GRIA3: variants seen among roughly 807,000 people sequenced by gnomAD.
The protein encoded by GRIA3 is glutamate receptor 3.
GRIA3 carries 3 observed loss-of-function variants against 63.0 expected under a neutral mutation model. The observed-to-expected ratio is 0.05, with a 90% CI of 0.02 to 0.12. The LOEUF (loss-of-function observed/expected upper bound fraction) is 0.12, where lower values mean the gene tolerates loss of function less well. GRIA3 is among the 10% of genes least tolerant of loss of function. GRIA3 has a pLI of 1.00. For missense variants in GRIA3, 347 were observed against 700.9 expected (o/e 0.50, Z 5.70); for synonymous variants, 274 against 257.9 (o/e 1.06, Z -0.60).
chrX:123,461,783 C>G (rs111969625), intron 12 of GRIA3, among the ~76,000 whole-genome samples: 1,226 of 110,455 alleles, frequency 0.011, 20 homozygotes, highest in African/African-American at 0.038. Context: ...AACGATGGAG[C>G]CTGACCAAGG....
chrX:123,265,880 T>C (rs184974730), intron 3 of GRIA3, among the ~76,000 whole-genome samples: 42 of 111,594 alleles, frequency 3.8e-4, no homozygotes, highest in African/African-American at 1.3e-3. Context: ...AATGCCTAGA[T>C]AGTAGATTAG....
At chrX:123,330,652 A>G (rs1353873100) in intron 4 of GRIA3, among the ~76,000 whole-genome samples, 1 of 111,911 alleles carries the variant, frequency 8.9e-6, no homozygotes, top group Non-Finnish European at 1.9e-5. Flanking sequence ...CTTCTCAAGT[A>G]TAAAGAGTTA....
At chrX:123,413,963 A>G (rs2045522116) in intron 10 of GRIA3, among the ~76,000 whole-genome samples, 1 of 112,168 alleles carries the variant, frequency 8.9e-6, no homozygotes, top group Admixed American at 9.5e-5. Context: ...TAAGGAAAGC[A>G]CGTACATAGT....
intron 2 of GRIA3, among the ~76,000 whole-genome samples, chrX:123,215,879 C>G (rs148475677): frequency 1.0e-3 from 116 of 111,548 alleles, no homozygotes; most frequent in African/African-American, 3.6e-3. Flanking sequence ...TGACCTAACC[C>G]AGGGCTGCAG....
At chrX:123,369,075 A>G (rs2045231229) in intron 5 of GRIA3, among the ~76,000 whole-genome samples, 1 of 111,234 alleles carries the variant, frequency 9.0e-6, no homozygotes, top group South Asian at 3.8e-4. Flanking sequence ...AACTTTTAAT[A>G]TCTCCCACCC....
chrX:123,472,106 G>GAAAA, intron 13 of GRIA3, among the ~76,000 whole-genome samples: 1 of 94,388 alleles, frequency 1.1e-5, no homozygotes, highest in Admixed American at 1.2e-4. Flanking sequence ...AATAGAGGGT[G>GAAAA]GTATATGCCC....
intron 5 of GRIA3, chrX:123,361,187 A>G (rs1314727774): frequency 1.8e-5 from 2 of 111,804 alleles, no homozygotes; most frequent in African/African-American, 3.3e-5. Flanking sequence ...AATAAGATTT[A>G]GTTATGCTGT....
rs191384383 is a variant in GRIA3, at chrX:123,372,573, T to C, written c.750+17610T>C. On this transcript the variant is annotated intron_variant, in intron 5 of 15. Coordinates refer to ENST00000620443, the MANE Select transcript of GRIA3 (RefSeq NM_007325.5). ...TTTCATCAGAGTTTTATAGCGTTCA[T>C]TGCAGATATCTTTTACTTTTTTGGT... 2.0e-3 allele frequency among the ~76,000 whole-genome samples: 226 copies of C among 111,986 alleles called. 2 individuals carry two copies. Among genetic ancestry groups the C allele is most frequent in the African/African-American group, 7.1e-3 (220 of 30,883 alleles).
chrX:123,213,232 G>A (rs920959970), intron 2 of GRIA3, among the ~76,000 whole-genome samples: 1 of 112,321 alleles, frequency 8.9e-6, no homozygotes, highest in Admixed American at 9.4e-5. Flanking sequence ...GTTGAGAACT[G>A]CTGGTCTACA....
chrX:123,467,220 G>A (rs770326185), intron 13 of GRIA3, among the ~76,000 whole-genome samples: 4 of 111,869 alleles, frequency 3.6e-5, no homozygotes, highest in Non-Finnish European at 7.5e-5. Context: ...GGTCACATTC[G>A]GCTCTTTCTC....
At chrX:123,318,579 G>C (rs934668068) in intron 3 of GRIA3, among the ~76,000 whole-genome samples, 6 of 111,992 alleles carry the variant, frequency 5.4e-5, no homozygotes, top group Non-Finnish European at 9.4e-5. Flanking sequence ...AACATAACAA[G>C]AGTCACCTTT....
intron 3 of GRIA3, among the ~76,000 whole-genome samples, chrX:123,319,566 G>A (rs190486238): frequency 4.5e-5 from 5 of 111,746 alleles, no homozygotes; most frequent in African/African-American, 1.6e-4. Context: ...GAAACACCCA[G>A]ATGCTACCTC....
At chrX:123,257,347 C>T (rs1603051619) in intron 3 of GRIA3, among the ~76,000 whole-genome samples, 1 of 108,612 alleles carries the variant, frequency 9.2e-6, no homozygotes, top group East Asian at 2.9e-4. Flanking sequence ...TGTTTTTCAA[C>T]ACTGGACTGA....
At chrX:123,221,503 G>A (rs1215003698) in intron 2 of GRIA3, among the ~76,000 whole-genome samples, 2 of 111,914 alleles carry the variant, frequency 1.8e-5, no homozygotes, top group East Asian at 5.6e-4. Flanking sequence ...AGAAAGGAAG[G>A]CTGATTTATA....
chrX:123,199,274 A>ATTT (rs5903635), intron 2 of GRIA3, among the ~76,000 whole-genome samples: 16,205 of 78,399 alleles, frequency 0.21, 1,923 homozygotes, highest in Non-Finnish European at 0.29. Flanking sequence ...AGTCTTTTAA[A>ATTT]TTTTTTTTTT....
intron 15 of GRIA3, among the ~76,000 whole-genome samples, chrX:123,484,065 T>C (rs1356101999): frequency 8.9e-6 from 1 of 112,135 alleles, no homozygotes; most frequent in Non-Finnish European, 1.9e-5. Context: ...AGTTCTTTTG[T>C]TGTCCCTTCC....
chrX:123,444,400 C>T (rs1261729241), intron 12 of GRIA3, among the ~76,000 whole-genome samples: 1 of 112,090 alleles, frequency 8.9e-6, no homozygotes, highest in African/African-American at 3.2e-5. Flanking sequence ...AAATTCCTGC[C>T]CTGTAGCCAG....
chrX:123,243,620 A>G (rs376764383), intron 2 of GRIA3, among the ~76,000 whole-genome samples: 1 of 112,283 alleles, frequency 8.9e-6, no homozygotes, highest in East Asian at 2.8e-4. Flanking sequence ...AGCATCCTAC[A>G]CATTCTCCTC....
At chrX:123,210,615 C>T (rs1309104026) in intron 2 of GRIA3, among the ~76,000 whole-genome samples, 1 of 111,367 alleles carries the variant, frequency 9.0e-6, no homozygotes, top group Admixed American at 9.6e-5. Context: ...TCATATAAAA[C>T]ATTCTATGGC....
Sources: allele counts gnomAD v4.1 joint callset (sites outside exome capture counted in the v4.1 genomes callset), GRCh38; gene constraint gnomAD v4.1.1; transcripts MANE v1.5; gene names NCBI Gene and HGNC (gene_info 2026-07-23, HGNC 2026-07-21).